Variants in BBOX1 observed in about 807,000 individuals in gnomAD.
The protein encoded by BBOX1 is gamma-butyrobetaine dioxygenase.
A neutral mutation model predicts 41.6 loss-of-function variants in BBOX1; 35 were observed. That is an observed-to-expected ratio of 0.84 (90% CI 0.64 to 1.11). The LOEUF (loss-of-function observed/expected upper bound fraction) is 1.11. Ranked by LOEUF, BBOX1 falls within the 50% of genes most tolerant of loss-of-function variation. BBOX1 has a pLI of 0.00. For missense variants in BBOX1, 458 were observed against 460.6 expected (o/e 0.99, Z 0.05); for synonymous variants, 163 against 154.7 (o/e 1.05, Z -0.40).
At chr11:27,073,011 C>T (rs188017543) in intron 4 of BBOX1, among the ~76,000 whole-genome samples, 12 of 152,236 alleles carry the variant, frequency 7.9e-5, no homozygotes, top group Admixed American at 5.2e-4. Context: ...TGGGCAAGGA[C>T]GTCATGTCTA....
intron 8 of BBOX1, 27 bp from the exon 9 acceptor site, chr11:27,127,266 T>G (rs1859699038): frequency 6.2e-7 from 1 of 1,609,384 alleles, no homozygotes. Context: ...ACACAATTAT[T>G]CATATTGGAA....
At chr11:27,071,594 T>G (rs1038011374) in intron 4 of BBOX1, among the ~76,000 whole-genome samples, 1 of 152,020 alleles carries the variant, frequency 6.6e-6, no homozygotes, top group Middle Eastern at 3.2e-3. Context: ...ATCTATGGTT[T>G]AAAAGTGTGT....
chr11:27,043,366 A>T (rs1352638761), intron 2 of BBOX1, among the ~76,000 whole-genome samples: 1 of 145,386 alleles, frequency 6.9e-6, no homozygotes, highest in Non-Finnish European at 1.5e-5. Flanking sequence ...CCCTGTCCTA[A>T]TTTTTTTTAA....
intron 4 of BBOX1, among the ~76,000 whole-genome samples, chr11:27,070,995 G>T (rs1360719917): frequency 6.6e-6 from 1 of 152,088 alleles, no homozygotes; most frequent in Non-Finnish European, 1.5e-5. Context: ...GCATTTGCTT[G>T]TCTGAAAATG....
At chr11:27,048,337 T>C (rs971586095) in intron 2 of BBOX1, among the ~76,000 whole-genome samples, 2 of 152,144 alleles carry the variant, frequency 1.3e-5, no homozygotes, top group Non-Finnish European at 2.9e-5. Context: ...ATTCCATGTA[T>C]AAGTGATATC....
At chr11:27,057,173 A>T in intron 3 of BBOX1, 28 bp from the exon 4 acceptor site, 1 of 1,454,772 alleles carries the variant, frequency 6.9e-7, no homozygotes, top group South Asian at 1.3e-5. Context: ...AAATCCACAT[A>T]GGTGAAATTT....
In BBOX1 at chr11:27,055,546, C is replaced by T. The variant is rs778849057; in HGVS notation, c.116C>T (p.Pro39Leu). The change falls in exon 3 of 9, where the codon CCG (proline) becomes CTG (leucine). Residue 39 changes from proline to leucine, a missense_variant. Coordinates refer to ENST00000263182, the MANE Select transcript of BBOX1 (RefSeq NM_003986.3). ...YPAVWLRDNC[P>L]CSDCYLDSAK... ...GCTGTATGGTTGAGAGACAACTGTC[C>T]GTGCTCTGATTGCTACCTGGATTCT... 4.5e-5 allele frequency: 73 copies of T among 1,614,024 alleles called. No homozygotes were observed. In the South Asian group the frequency reaches 5.3e-4, roughly 12 times the overall value.
In BBOX1 at chr11:27,119,669, A is replaced by T. The variant is rs1175994691; in HGVS notation, c.660A>T (p.Ile220=). 4.0e-6 allele frequency: 6 copies of T among 1,516,774 alleles called. No individual in the cohort carries two copies. The highest frequency in any genetic ancestry group is 5.3e-6 in the Non-Finnish European group (6 of 1,135,478). The allele number at this position is 1,516,774 out of a possible 1,614,324, so 94.0% of individuals were successfully genotyped here. The change falls in exon 7 of 9, where the codon ATA becomes ATT. Residue 220 remains isoleucine, a synonymous_variant. Coordinates refer to ENST00000263182, the MANE Select transcript of BBOX1 (RefSeq NM_003986.3). ...HPPGVQLLHC[I]KQTVTGGDSE... ...TATAGGTTCAGCTTCTTCACTGCAT[A>T]AAGCAAACAGTCACAGGGGGTGATT... is the stretch of plus-strand genomic sequence containing the variant.
At chr11:27,100,159 G>A (rs892268233) in intron 5 of BBOX1, among the ~76,000 whole-genome samples, 11 of 151,934 alleles carry the variant, frequency 7.2e-5, no homozygotes, top group Non-Finnish European at 2.9e-5. Flanking sequence ...ACTATTTCTC[G>A]GCATCTCACC....
chr11:27,085,003 G>A (rs1243600380), intron 4 of BBOX1, among the ~76,000 whole-genome samples: 1 of 152,042 alleles, frequency 6.6e-6, no homozygotes, highest in African/African-American at 2.4e-5. Flanking sequence ...ACTTAAATTT[G>A]TTTTTAATGT....
intron 4 of BBOX1, among the ~76,000 whole-genome samples, chr11:27,068,705 G>T (rs2133987656): frequency 6.6e-6 from 1 of 152,142 alleles, no homozygotes; most frequent in East Asian, 1.9e-4. Flanking sequence ...TATTATTTCA[G>T]ATCTTCAATT....
At chr11:27,079,529 AAT>A (rs1177346207) in intron 4 of BBOX1, among the ~76,000 whole-genome samples, 1 of 152,120 alleles carries the variant, frequency 6.6e-6, no homozygotes, top group African/African-American at 2.4e-5. Context: ...CTCAATAGGG[AAT>A]ATAAAGGAAA....
chr11:27,111,360 A>C (rs1459422267), intron 5 of BBOX1, among the ~76,000 whole-genome samples: 3 of 151,906 alleles, frequency 2.0e-5, no homozygotes, highest in Non-Finnish European at 1.5e-5. Context: ...GGAAGGAGGG[A>C]ACGGGAAAGG....
chr11:27,115,258 TGAG>T (rs922478022), intron 5 of BBOX1, among the ~76,000 whole-genome samples, 191 bp from the exon 6 acceptor site: 1 of 151,842 alleles, frequency 6.6e-6, no homozygotes, highest in South Asian at 2.1e-4. Flanking sequence ...AGAGGAAAAA[TGAG>T]GAGATGTTAA....
chr11:27,051,103 T>C (rs1459702928), intron 2 of BBOX1, among the ~76,000 whole-genome samples: 3 of 152,122 alleles, frequency 2.0e-5, no homozygotes, highest in Admixed American at 2.0e-4. Flanking sequence ...ACCTAATTTT[T>C]ATCCTGAATT....
chr11:27,078,745 C>T (rs1338289232), intron 4 of BBOX1, among the ~76,000 whole-genome samples: 1 of 152,170 alleles, frequency 6.6e-6, no homozygotes, highest in East Asian at 1.9e-4. Flanking sequence ...CAAGAAAGTG[C>T]TTCACTCATG....
chr11:27,114,464 T>C (rs1406552216), intron 5 of BBOX1, among the ~76,000 whole-genome samples: 1 of 151,794 alleles, frequency 6.6e-6, no homozygotes, highest in African/African-American at 2.4e-5. Flanking sequence ...AAGACTGAAA[T>C]TAAAAGACTC....
intron 4 of BBOX1, among the ~76,000 whole-genome samples, chr11:27,074,782 A>C (rs1209630894): frequency 6.6e-6 from 1 of 152,218 alleles, no homozygotes; most frequent in Non-Finnish European, 1.5e-5. Context: ...AAAACTTTGC[A>C]GTCATGAAAT....
At chr11:27,116,096 A>T (rs533358673) in intron 6 of BBOX1, among the ~76,000 whole-genome samples, 14 of 152,180 alleles carry the variant, frequency 9.2e-5, no homozygotes, top group Non-Finnish European at 1.8e-4. Flanking sequence ...GACAGACTGG[A>T]TAAAGAAAAC....
Sources: gnomAD v4.1 joint callset for allele counts (sites outside exome capture counted in the v4.1 genomes callset) on GRCh38, gnomAD v4.1.1 for gene constraint, MANE v1.5 for transcripts, NCBI Gene and HGNC (gene_info 2026-07-23, HGNC 2026-07-21) for gene names.